Variants in NOS1 observed in about 807,000 individuals in gnomAD.
The protein encoded by NOS1 is NOS type I.
In NOS1, 51 loss-of-function variants were observed where a neutral mutation model predicts 164.5. That is an observed-to-expected ratio of 0.31 (90% CI 0.25 to 0.39). NOS1 has a LOEUF of 0.39. NOS1 is among the 10% of genes least tolerant of loss of function. The probability of loss-of-function intolerance (pLI) is 1.00; values close to 1 mark genes in which losing one functional copy is unlikely to be tolerated. For synonymous variants in NOS1, 719 were observed against 745.8 expected, an observed-to-expected ratio of 0.96 and a Z score of 0.59; for missense variants, 1,362 against 1,885.6, an observed-to-expected ratio of 0.72 and a Z score of 5.14.
chr12:117,255,051 A>G (rs534495759), intron 16 of NOS1, among the ~76,000 whole-genome samples: 1 of 152,298 alleles, frequency 6.6e-6, no homozygotes, highest in East Asian at 1.9e-4. Flanking sequence ...ATGTATACAT[A>G]TGTAACTAAC....
At chr12:117,316,372 G>T (rs1874669082) in intron 2 of NOS1, among the ~76,000 whole-genome samples, 1 of 151,982 alleles carries the variant, frequency 6.6e-6, no homozygotes, top group Non-Finnish European at 1.5e-5. Flanking sequence ...TCTTGGCCCT[G>T]ATCTCTTGAC....
chr12:117,218,091 G>T lies in NOS1; in HGVS notation c.4244C>A (p.Ser1415Tyr). The change falls in exon 28 of 29, where the codon TCT (serine) becomes TAT (tyrosine). Residue 1415 changes from serine to tyrosine, a missense_variant. Around this residue, in one of 4 missense-constraint regions of NOS1, gnomAD observed 737 missense variants for 1,030.3 expected, o/e 0.72. Transcript: ENST00000317775. ...CTCTTCAATGAAGGCAATGGACTCA[G>T]ATCTAAGGCGGTTGGTCACTTCGTA... ...RTYEVTNRLR[S>Y]ESIAFIEESK... 8 of 1,614,178 alleles carry T rather than the reference G, an allele frequency of 5.0e-6. No homozygotes were observed. Among genetic ancestry groups the T allele is most frequent in the Non-Finnish European group, 6.8e-6 (8 of 1,180,014 alleles).
rs1013797997 is a variant in NOS1 at position 117,212,984 on chromosome 12, GAGA to G, written c.*2322_*2324del. ...GTTTACTTAAAAAAAAATCTTTCTGGAGAAGAAGGATGAATCCTGGTTTTATAA... is the reference window on the plus strand; with the variant it reads ...GTTTACTTAAAAAAAAATCTTTCTGGAGAAGGATGAATCCTGGTTTTATAA... On this transcript the variant is annotated 3_prime_UTR_variant, in exon 29 of 29. Coordinates refer to ENST00000317775, the MANE Select transcript of NOS1 (RefSeq NM_000620.5). 6 of 985,408 alleles carry G rather than the reference GAGA, an allele frequency of 6.1e-6. No homozygotes were observed. The African/African-American group carries it at 8.7e-5, about 14-fold the overall frequency. The allele number at this position is 985,408 out of a possible 1,614,324, so 61.0% of individuals were successfully genotyped here.
At chr12:117,221,118 T>C (rs893790951) in intron 26 of NOS1, among the ~76,000 whole-genome samples, 1 of 150,224 alleles carries the variant, frequency 6.7e-6, no homozygotes, top group Admixed American at 6.7e-5. Flanking sequence ...TCTTATGGGC[T>C]GTTAAATTTA....
intron 26 of NOS1, among the ~76,000 whole-genome samples, chr12:117,222,303 T>G (rs1422674104): frequency 1.2e-4 from 18 of 152,238 alleles, no homozygotes; most frequent in Admixed American, 1.2e-3. Context: ...TCACCCAGGC[T>G]GGAGGGCAGT....
At chr12:117,279,706 G>A (rs9658370) in intron 8 of NOS1, among the ~76,000 whole-genome samples, 1,893 of 152,324 alleles carry the variant, frequency 0.012, 45 homozygotes, top group African/African-American at 0.044. Flanking sequence ...TTTATGTTCT[G>A]GTGACCACGA....
rs1041920776 is a variant in NOS1, at chr12:117,257,632, T to G, written c.2531+765A>C. Among the ~76,000 whole-genome samples the G allele has an allele frequency of 3.0e-4, 30 of 100,034 alleles. No homozygotes were observed. In the Admixed American group the frequency reaches 3.6e-3, roughly 12 times the overall value. The allele number at this position is 100,034 out of a possible 152,430, so 65.6% of individuals were successfully genotyped here. A position where few individuals can be genotyped will look rare whatever the true frequency, so the allele number is the denominator to read the frequency against. Reference sequence around the variant, plus strand: ...CTTTTTTTTTTTTTTTTTTTTTTTTTGACAGGTCTGGCTGTTCAGGCTGGC... The same window carrying G: ...CTTTTTTTTTTTTTTTTTTTTTTTTGGACAGGTCTGGCTGTTCAGGCTGGC... On this transcript the variant is annotated intron_variant, in intron 16 of 28. Coordinates refer to ENST00000317775, the MANE Select transcript of NOS1 (RefSeq NM_000620.5).
At chr12:117,227,046 G>A (rs759897963) in intron 23 of NOS1, among the ~76,000 whole-genome samples, 14 of 152,030 alleles carry the variant, frequency 9.2e-5, no homozygotes, top group Non-Finnish European at 1.8e-4. Context: ...CTCCTGGGAC[G>A]GGCACTGTGC....
rs1250123871 is a variant in NOS1, at chr12:117,249,966, G to A, written c.2649-2444C>T. Among the ~76,000 whole-genome samples the A allele has an allele frequency of 2.0e-5, 3 of 152,290 alleles. No individual in the cohort carries two copies. The East Asian group carries it at 5.8e-4, about 29-fold the overall frequency. On this transcript the variant is annotated intron_variant, in intron 17 of 28. Coordinates refer to ENST00000317775, the MANE Select transcript of NOS1 (RefSeq NM_000620.5). Reference sequence around the variant, plus strand: ...CTTTTTAAGGTCAGAGTGTTCTGCTGTAGACTGTCACCTCAGATAAACCAT... The same window carrying A: ...CTTTTTAAGGTCAGAGTGTTCTGCTATAGACTGTCACCTCAGATAAACCAT...
At chr12:117,261,043 C>T (rs950146038) in intron 13 of NOS1, among the ~76,000 whole-genome samples, 2 of 151,862 alleles carry the variant, frequency 1.3e-5, no homozygotes, top group African/African-American at 4.8e-5. Context: ...GCAGCGTGCG[C>T]CTGTAGTCCC....
chr12:117,238,734 C>A (rs981915431), intron 20 of NOS1, among the ~76,000 whole-genome samples: 8 of 152,206 alleles, frequency 5.3e-5, no homozygotes, highest in Admixed American at 3.9e-4. Context: ...CCAGACTGGT[C>A]TCAAACTCCT....
chr12:117,331,084 G>A lies in NOS1; in HGVS notation c.-15C>T, dbSNP rs373842992. 37 of 1,597,558 alleles carry A rather than the reference G, an allele frequency of 2.3e-5. No homozygotes were observed. Among genetic ancestry groups the A allele is most frequent in the African/African-American group, 1.3e-4 (10 of 74,844 alleles). On this transcript the variant is annotated 5_prime_UTR_variant, in exon 2 of 29. Coordinates refer to ENST00000317775, the MANE Select transcript of NOS1 (RefSeq NM_000620.5). Reference sequence around the variant, plus strand: ...TGATCCTCCATGGTAACTAGCTTCCGAGGGGTCCTGTCTGAAGACCTCACA... The same window carrying A: ...TGATCCTCCATGGTAACTAGCTTCCAAGGGGTCCTGTCTGAAGACCTCACA...
chr12:117,352,521 T>A (rs1181935503), intron 1 of NOS1, among the ~76,000 whole-genome samples: 1 of 152,188 alleles, frequency 6.6e-6, no homozygotes, highest in East Asian at 1.9e-4. Context: ...ATGCCCCTGA[T>A]GTAATGAGCA....
In NOS1 at chr12:117,212,205, A is replaced by C; in HGVS notation, c.*3104T>G. 1 of 985,376 alleles carries C rather than the reference A, an allele frequency of 1.0e-6. No individual in the cohort carries two copies. Among genetic ancestry groups the C allele is most frequent in the Non-Finnish European group, 1.2e-6 (1 of 829,904 alleles). 61.0% of individuals were successfully genotyped at this position (985,376 alleles called of 1,614,324 possible). A position where few individuals can be genotyped will look rare whatever the true frequency, so the allele number is the denominator to read the frequency against. On this transcript the variant is annotated 3_prime_UTR_variant, in exon 29 of 29. Transcript: ENST00000317775. The stretch of plus-strand genomic sequence containing the variant: ...AAAAATTAAAATGCAGTAAGTTTTG[A>C]ACCAGGTACTGTAACTGGGCATTTC...
At chr12:117,266,905 C>T (rs9658386) in intron 11 of NOS1, among the ~76,000 whole-genome samples, 2,025 of 152,278 alleles carry the variant, frequency 0.013, 24 homozygotes, top group South Asian at 0.044. Flanking sequence ...ACCAGTCCAT[C>T]AGGCCACATG....
rs1372360640 is a variant in NOS1 at position 117,234,543 on chromosome 12, G to A, written c.3235+22C>T. 6.9e-6 allele frequency: 11 copies of A among 1,603,108 alleles called. No individual in the cohort carries two copies. The highest frequency in any genetic ancestry group is 7.7e-6 in the Non-Finnish European group (9 of 1,172,002). On this transcript the variant is annotated intron_variant, in intron 21 of 28. Transcript: ENST00000317775. The surrounding 1 kb of genome is among the most constrained non-coding windows in gnomAD (Gnocchi z 4.3). ...TGCCTCTGCAGCTCCCTAGAGCAGGGAAGGGTCCCCGGGAATGTTACCTAA... is the reference window on the plus strand; with the variant it reads ...TGCCTCTGCAGCTCCCTAGAGCAGGAAAGGGTCCCCGGGAATGTTACCTAA...
intron 22 of NOS1, among the ~76,000 whole-genome samples, chr12:117,227,849 A>G (rs999180075): frequency 4.6e-5 from 7 of 152,156 alleles, no homozygotes. Flanking sequence ...AAACATAGTA[A>G]GACCCTGTCT....
intron 5 of NOS1, 152 bp downstream of exon 5, chr12:117,287,922 G>A (rs776642462): frequency 9.8e-6 from 7 of 712,088 alleles, no homozygotes; most frequent in Non-Finnish European, 1.6e-5. Flanking sequence ...CACTTCTGGG[G>A]AACAGATGTG....
At chr12:117,306,990 C>A (rs530535822) in intron 3 of NOS1, among the ~76,000 whole-genome samples, 87 of 152,332 alleles carry the variant, frequency 5.7e-4, no homozygotes, top group African/African-American at 2.0e-3. Context: ...CTTCAAAACC[C>A]TGAGGTCCTG....
Sources: allele counts gnomAD v4.1 joint callset (sites outside exome capture counted in the v4.1 genomes callset), GRCh38; gene constraint gnomAD v4.1.1; regional missense constraint gnomAD v4.1.1; non-coding constraint Gnocchi (gnomAD v3.1); transcripts MANE v1.5; gene names NCBI Gene and HGNC (gene_info 2026-07-23, HGNC 2026-07-21).